Variants in BCL7C observed in about 807,000 individuals in gnomAD.
BCL7C encodes the protein B-cell CLL/lymphoma 7 protein family member C.
In BCL7C, 8 loss-of-function variants were observed where a neutral mutation model predicts 26.2. The ratio of observed to expected loss-of-function variants is 0.30; its 90% CI spans 0.18 to 0.55. The LOEUF (loss-of-function observed/expected upper bound fraction) is 0.55, where lower values mean the gene tolerates loss of function less well. BCL7C is among the 20% of genes least tolerant of loss of function. The pLI, the probability that BCL7C is intolerant of heterozygous loss-of-function variation, is 0.93. For missense variants in BCL7C, 262 were observed against 298.5 expected (o/e 0.88, Z 0.90); for synonymous variants, 90 against 116.5 (o/e 0.77, Z 1.47).
chr16:30,855,082 T>C (rs1481060066), intron 5 of BCL7C, among the ~76,000 whole-genome samples: 1 of 152,166 alleles, frequency 6.6e-6, no homozygotes, highest in African/African-American at 2.4e-5. Context: ...AGCATAATAG[T>C]TGGGTCCAGC....
At chr16:30,851,839 TA>T in intron 5 of BCL7C, 1 of 263,370 alleles carries the variant, frequency 3.8e-6, no homozygotes. Flanking sequence ...GGTTGTCATA[TA>T]AAATCGACTT....
chr16:30,869,354 G>A (rs1028374605), intron 5 of BCL7C, among the ~76,000 whole-genome samples: 3 of 151,766 alleles, frequency 2.0e-5, no homozygotes, highest in East Asian at 1.9e-4. Flanking sequence ...GACTACAGGC[G>A]CCTGCCACTG....
downstream of BCL7C, among the ~76,000 whole-genome samples, chr16:30,884,238 G>T (rs1385224962): frequency 6.6e-6 from 1 of 151,896 alleles, no homozygotes; most frequent in Non-Finnish European, 1.5e-5. Context: ...AAGAATGGGG[G>T]AGACTCAAAC....
chr16:30,891,689 GCA>G (rs2055239798), intron 4 of BCL7C, among the ~76,000 whole-genome samples: 2 of 152,084 alleles, frequency 1.3e-5, no homozygotes, highest in South Asian at 4.1e-4. Context: ...ATAGGGCCAG[GCA>G]CAGTGACTCA....
chr16:30,892,895 C>T lies in BCL7C; in HGVS notation c.225G>A (p.Arg75=), dbSNP rs1451703700. 6.2e-7 allele frequency: 1 copy of T among 1,612,876 alleles called. No individual in the cohort carries two copies. The highest frequency in any genetic ancestry group is 8.5e-7 in the Non-Finnish European group (1 of 1,179,992). Residue 75 remains arginine, a synonymous_variant, in exon 3 of 6, where the codon CGG becomes CGA. Transcript: ENST00000215115. ...GAERSRGRER[R]GRGASPRGGG... is the part of the protein sequence containing the mutation. ...CCCCTCGGGGACTGGCGCCCCTGCC[C>T]CGACGTTCCCGGCCACGGGATCTCT...
At position 30,893,816 on chromosome 16, in the gene BCL7C, C is replaced by G; in HGVS notation, c.92+37G>C. On this transcript the variant is annotated intron_variant, in intron 1 of 5. Coordinates refer to ENST00000215115, the MANE Select transcript of BCL7C (RefSeq NM_004765.4). The surrounding 1 kb of genome is among the most constrained non-coding windows in gnomAD (Gnocchi z 5.2). ...TAGACGCCTTTGGTGCTGGTGGTCC[C>G]GCTGTGTCCCGTCCCTGGCCCCCGA... 1 of 1,580,422 alleles carries G rather than the reference C, an allele frequency of 6.3e-7. No homozygotes were observed. Among genetic ancestry groups the G allele is most frequent in the Admixed American group, 1.7e-5 (1 of 59,748 alleles).
chr16:30,891,027 C>T (rs188651447), intron 4 of BCL7C, among the ~76,000 whole-genome samples: 33 of 151,026 alleles, frequency 2.2e-4, no homozygotes, highest in African/African-American at 7.5e-4. Context: ...AAAAATCAGC[C>T]GGGCATGGTG....
intron 5 of BCL7C, among the ~76,000 whole-genome samples, chr16:30,878,938 C>T (rs759017763): frequency 1.3e-5 from 2 of 152,062 alleles, no homozygotes; most frequent in African/African-American, 4.8e-5. Flanking sequence ...CCAGAGACTA[C>T]GTGCTTTCAG....
chr16:30,856,078 A>AG (rs1233171575), intron 5 of BCL7C, among the ~76,000 whole-genome samples: 2 of 151,294 alleles, frequency 1.3e-5, no homozygotes, highest in Admixed American at 6.6e-5. Flanking sequence ...AAAAAAAAAA[A>AG]AAGAAGAAAG....
At chr16:30,890,084 G>C (rs1020258374) in intron 4 of BCL7C, among the ~76,000 whole-genome samples, 2 of 152,084 alleles carry the variant, frequency 1.3e-5, no homozygotes, top group African/African-American at 4.8e-5. Flanking sequence ...CCAATCAGAC[G>C]GGTTTGACTG....
rs2055286629 is a variant in BCL7C at position 30,893,305 on chromosome 16, G to A, written c.93-15C>T. ...ATCGCTTCTCCCTGTGGGAGGGTGG[G>A]GGGCTGGGTCAGAGAGGCCTGAGGG... is the stretch of plus-strand genomic sequence containing the variant. On this transcript the variant is annotated splice_polypyrimidine_tract_variant and intron_variant, in intron 1 of 5. Coordinates refer to ENST00000215115, the MANE Select transcript of BCL7C (RefSeq NM_004765.4). The surrounding 1 kb of genome is among the most constrained non-coding windows in gnomAD (Gnocchi z 5.2). 1 of 1,611,352 alleles carries A rather than the reference G, an allele frequency of 6.2e-7. No individual in the cohort carries two copies.
intron 4 of BCL7C, among the ~76,000 whole-genome samples, chr16:30,891,042 G>A (rs1210040343): frequency 5.3e-5 from 8 of 151,850 alleles, no homozygotes; most frequent in Admixed American, 4.6e-4. Context: ...ATGGTGGCAT[G>A]CCTGTAATCC....
chr16:30,884,251 T>A (rs977706625), downstream of BCL7C, among the ~76,000 whole-genome samples: 1 of 151,884 alleles, frequency 6.6e-6, no homozygotes, highest in African/African-American at 2.4e-5. Flanking sequence ...ACTCAAACTT[T>A]AGCTTCTCAA....
chr16:30,888,012 G>C, intron 5 of BCL7C, 22 bp from the exon 6 acceptor site: 1 of 1,596,248 alleles, frequency 6.3e-7, no homozygotes, highest in Non-Finnish European at 8.5e-7. Flanking sequence ...GGGTGGACAG[G>C]CGTGAGCTCC....
intron 5 of BCL7C, among the ~76,000 whole-genome samples, chr16:30,860,963 G>GT (rs1006352735): frequency 1.3e-5 from 2 of 151,976 alleles, no homozygotes; most frequent in African/African-American, 2.4e-5. Flanking sequence ...CCGGCTTACA[G>GT]TTTTTTTCCG....
At chr16:30,888,631 A>G (rs1008017913) in intron 5 of BCL7C, 13 of 379,108 alleles carry the variant, frequency 3.4e-5, no homozygotes, top group African/African-American at 8.4e-5. Flanking sequence ...CACCACGCCC[A>G]GCTTTGTCAG....
chr16:30,856,060 TA>T (rs758984617), intron 5 of BCL7C, among the ~76,000 whole-genome samples: 1,748 of 97,406 alleles, frequency 0.018, 27 homozygotes, highest in African/African-American at 0.048. Flanking sequence ...AGACTCCATC[TA>T]AAAAAAAAAA....
chr16:30,856,995 T>A (rs2054728120), intron 5 of BCL7C, among the ~76,000 whole-genome samples: 1 of 152,222 alleles, frequency 6.6e-6, no homozygotes, highest in African/African-American at 2.4e-5. Context: ...GCACTTGTGA[T>A]GTTAAACAGT....
chr16:30,891,846 C>T (rs1428035888), intron 4 of BCL7C, among the ~76,000 whole-genome samples: 1 of 152,050 alleles, frequency 6.6e-6, no homozygotes, highest in Middle Eastern at 3.2e-3. Flanking sequence ...ACACCTGAGT[C>T]CCAGCTATTT....
Sources: gnomAD v4.1 joint callset for allele counts (sites outside exome capture counted in the v4.1 genomes callset) on GRCh38, gnomAD v4.1.1 for gene constraint, Gnocchi (gnomAD v3.1) non-coding constraint, MANE v1.5 for transcripts, NCBI Gene and HGNC (gene_info 2026-07-23, HGNC 2026-07-21) for gene names.